Variants in LDAH observed in about 807,000 individuals in gnomAD.
LDAH encodes the protein lipid droplet associated hydrolase, also known as lipid droplet-associated hydrolase.
In LDAH, 26 loss-of-function variants were observed where a neutral mutation model predicts 29.6. The ratio of observed to expected loss-of-function variants is 0.88; its 90% CI spans 0.64 to 1.22. The LOEUF is 1.22. LDAH is among the 50% of genes most tolerant of loss of function. The pLI is 0.00. For synonymous variants in LDAH, 117 were observed against 133.0 expected, an observed-to-expected ratio of 0.88 and a Z score of 0.83; for missense variants, 344 against 387.3, an observed-to-expected ratio of 0.89 and a Z score of 0.94.
At chr2:20,771,737 T>C (rs937521334) in intron 4 of LDAH, among the ~76,000 whole-genome samples, 1 of 151,936 alleles carries the variant, frequency 6.6e-6, no homozygotes, top group African/African-American at 2.4e-5. Context: ...CTGCCCCTCC[T>C]ACCCCCCAAA....
At chr2:20,683,856 A>G (rs1480124882), downstream of LDAH, among the ~76,000 whole-genome samples, 5 of 89,862 alleles carry the variant, frequency 5.6e-5, no homozygotes, top group South Asian at 1.7e-3. Flanking sequence ...TTTTATCTCC[A>G]TTAAAAAAAA....
intron 1 of LDAH, among the ~76,000 whole-genome samples, chr2:20,816,485 G>C (rs1672858270): frequency 6.6e-6 from 1 of 152,058 alleles, no homozygotes; most frequent in South Asian, 2.1e-4. Flanking sequence ...ACTGCCATCA[G>C]TTAAGTAGAC....
intron 5 of LDAH, among the ~76,000 whole-genome samples, chr2:20,705,796 A>G (rs1664261093): frequency 6.6e-6 from 1 of 152,244 alleles, no homozygotes; most frequent in Non-Finnish European, 1.5e-5. Context: ...AATAATCAAT[A>G]TTACTATTTT....
intron 5 of LDAH, among the ~76,000 whole-genome samples, chr2:20,739,177 A>T (rs1391275008): frequency 6.6e-6 from 1 of 152,212 alleles, no homozygotes; most frequent in African/African-American, 2.4e-5. Flanking sequence ...AAAGCTTAGA[A>T]AGTGCCATCA....
intron 4 of LDAH, among the ~76,000 whole-genome samples, chr2:20,774,142 T>C (rs554680883): frequency 1.3e-5 from 2 of 152,350 alleles, no homozygotes; most frequent in South Asian, 4.1e-4. Context: ...ATTTCAATGG[T>C]ATATGCTAGT....
chr2:20,758,171 C>T (rs944882478), intron 4 of LDAH, among the ~76,000 whole-genome samples: 1 of 152,156 alleles, frequency 6.6e-6, no homozygotes, highest in Non-Finnish European at 1.5e-5. Flanking sequence ...AATTATCAGA[C>T]ACAATCTTTA....
rs1170319002 is a variant in LDAH at position 20,686,606 on chromosome 2, C to T, written c.*297G>A. On this transcript the variant is annotated 3_prime_UTR_variant, in exon 7 of 7. Coordinates refer to ENST00000237822, the MANE Select transcript of LDAH (RefSeq NM_021925.4). ...AGATTTTTTTTTCATCTGCAAAGAT[C>T]CTGCCTACCAAAATAAACCATATGG... The T allele has an allele frequency of 4.4e-6, 1 of 226,428 alleles. No individual in the cohort carries two copies. Among genetic ancestry groups the T allele is most frequent in the African/African-American group, 2.3e-5 (1 of 44,204 alleles). The allele number at this position is 226,428 out of a possible 1,614,324, so 14.0% of individuals were successfully genotyped here.
At chr2:20,696,809 G>A (rs1341274073) in intron 6 of LDAH, among the ~76,000 whole-genome samples, 1 of 152,084 alleles carries the variant, frequency 6.6e-6, no homozygotes, top group Non-Finnish European at 1.5e-5. Flanking sequence ...CTGGGATTGG[G>A]GTGGCGAAAA....
intron 5 of LDAH, among the ~76,000 whole-genome samples, chr2:20,733,326 G>C (rs1482554568): frequency 6.6e-6 from 1 of 151,506 alleles, no homozygotes; most frequent in Admixed American, 6.6e-5. Flanking sequence ...GGCCTCCTGG[G>C]CTCAAGTGAT....
At chr2:20,723,343 T>A (rs1422712148) in intron 5 of LDAH, among the ~76,000 whole-genome samples, 2 of 152,022 alleles carry the variant, frequency 1.3e-5, no homozygotes, top group Admixed American at 6.6e-5. Flanking sequence ...CATAAGGGGG[T>A]CTTCTGAGAC....
chr2:20,772,586 T>C (rs1669506356), intron 4 of LDAH, among the ~76,000 whole-genome samples: 1 of 152,208 alleles, frequency 6.6e-6, no homozygotes. Context: ...CCTTGTGTAA[T>C]TATCTCTCCT....
chr2:20,725,446 C>CT (rs1225498770), intron 5 of LDAH, among the ~76,000 whole-genome samples: 1 of 152,188 alleles, frequency 6.6e-6, no homozygotes, highest in African/African-American at 2.4e-5. Flanking sequence ...GTTACAACGC[C>CT]TGAAGGCATT....
In LDAH at chr2:20,774,890, C is replaced by T. The variant is rs756215719; in HGVS notation, c.388G>A (p.Asp130Asn). 3.1e-6 allele frequency: 5 copies of T among 1,613,474 alleles called. No individual in the cohort carries two copies. The African/African-American group carries it at 6.7e-5, about 22-fold the overall frequency. The change falls in exon 4 of 7, where the codon GAC becomes AAC. Residue 130 changes from aspartate (D) to asparagine (N), a missense_variant. Physicochemically the swap from Asp to Asn is conservative, Grantham distance 23. Coordinates refer to ENST00000237822, the MANE Select transcript of LDAH (RefSeq NM_021925.4). ...TGGCCAATGAGCACAAGTTTCATGT[C>T]CTTTGGCACATGAGTTCTCAGGAAA... The part of the protein sequence containing the change: ...LAFLRTHVPK[D>N]MKLVLIGHSI...
chr2:20,701,930 A>G (rs892287616), intron 5 of LDAH, among the ~76,000 whole-genome samples: 1 of 152,222 alleles, frequency 6.6e-6, no homozygotes, highest in Non-Finnish European at 1.5e-5. Flanking sequence ...ACCACAGCAG[A>G]TGATGTGTGC....
chr2:20,725,167 C>T (rs1249494415), intron 5 of LDAH, among the ~76,000 whole-genome samples: 1 of 152,144 alleles, frequency 6.6e-6, no homozygotes, highest in East Asian at 1.9e-4. Context: ...TTAAAGTACT[C>T]ATGAAAAGGT....
intron 2 of LDAH, among the ~76,000 whole-genome samples, chr2:20,797,259 T>C (rs539519713): frequency 3.9e-5 from 6 of 152,266 alleles, no homozygotes; most frequent in South Asian, 2.1e-4. Context: ...AGAATGAAAG[T>C]ACCATACTGA....
chr2:20,783,201 A>G (rs1230772795), intron 3 of LDAH, among the ~76,000 whole-genome samples: 1 of 152,180 alleles, frequency 6.6e-6, no homozygotes, highest in Non-Finnish European at 1.5e-5. Flanking sequence ...ATTTATACTC[A>G]ATTTTAAGTT....
rs369798945 is a variant in LDAH, at chr2:20,817,932, G to C, written c.-3+5105C>G. ...TTGAAATGACAAAATTATAGAGATA[G>C]AGCAGTGGTTGCCACGGGTTAGGGA... On this transcript the variant is annotated intron_variant, in intron 1 of 6. Transcript: ENST00000237822. 2.0e-4 allele frequency among the ~76,000 whole-genome samples: 31 copies of C among 152,266 alleles called. 1 individual carries two copies. In the South Asian group the frequency reaches 6.4e-3, roughly 32 times the overall value.
At chr2:20,776,420 C>T (rs1343231161) in intron 3 of LDAH, among the ~76,000 whole-genome samples, 1 of 152,160 alleles carries the variant, frequency 6.6e-6, no homozygotes, top group African/African-American at 2.4e-5. Flanking sequence ...CTAATTCACT[C>T]CTACTTTACA....
Sources: allele counts gnomAD v4.1 joint callset (sites outside exome capture counted in the v4.1 genomes callset), GRCh38; gene constraint gnomAD v4.1.1; transcripts MANE v1.5; gene names NCBI Gene and HGNC (gene_info 2026-07-23, HGNC 2026-07-21).